Variants in CALM2 observed in about 807,000 individuals in gnomAD.
CALM2 encodes calmodulin 2.
In CALM2, 2 loss-of-function variants were observed where a neutral mutation model predicts 19.8. The observed-to-expected ratio is 0.10, with a 90% CI of 0.04 to 0.32. The LOEUF is 0.32. Among genes scored for constraint, CALM2 ranks in the 10% least tolerant of loss-of-function variants. CALM2 has a pLI of 1.00. For synonymous variants in CALM2, 51 were observed against 52.1 expected, an observed-to-expected ratio of 0.98 and a Z score of 0.09; for missense variants, 38 against 178.7, an observed-to-expected ratio of 0.21 and a Z score of 4.49.
chr2:47,164,327 T>C (rs1295676000), intron 2 of CALM2, among the ~76,000 whole-genome samples: 6 of 148,274 alleles, frequency 4.0e-5, no homozygotes, highest in African/African-American at 7.5e-5. Context: ...CGTGTGCCTG[T>C]AGTCCCCCGT....
Position 47,174,801 on chromosome 2 carries a change from G to GT in CALM2, c.3+1639dup, listed in dbSNP as rs1470406622. Among the ~76,000 whole-genome samples, 3 of 151,982 alleles carry GT rather than the reference G, an allele frequency of 2.0e-5. No homozygotes were observed. The East Asian group carries it at 5.8e-4, about 29-fold the overall frequency. Reference sequence around the variant, plus strand: ...CTTGTAATGTTTATTACATATGCCTGTAACTACATCTTTAAGAAAGCAAAT... The same window carrying GT: ...CTTGTAATGTTTATTACATATGCCTGTTAACTACATCTTTAAGAAAGCAAAT... On this transcript the variant is annotated intron_variant, in intron 1 of 5. Transcript: ENST00000272298.
intron 2 of CALM2, among the ~76,000 whole-genome samples, chr2:47,168,749 G>A (rs1471187549): frequency 6.7e-6 from 1 of 149,970 alleles, no homozygotes; most frequent in Admixed American, 6.7e-5. Context: ...ATCAATCACT[G>A]AAGAGGGATC....
intron 1 of CALM2, chr2:47,171,034 G>A (rs1264866745): frequency 2.4e-5 from 9 of 378,632 alleles, no homozygotes; most frequent in South Asian, 4.2e-5. Flanking sequence ...CTTTTTCAAC[G>A]TTAGAATAGC....
upstream of CALM2, chr2:47,176,830 C>T: frequency 1.0e-6 from 1 of 985,446 alleles, no homozygotes; most frequent in South Asian, 4.7e-5. Flanking sequence ...GAGCCTGCCT[C>T]TGATTGGCTG....
intron 2 of CALM2, among the ~76,000 whole-genome samples, chr2:47,164,522 G>A (rs1157447502): frequency 1.3e-5 from 2 of 151,432 alleles, no homozygotes; most frequent in African/African-American, 2.4e-5. Flanking sequence ...GCTTGAACCC[G>A]AGAGGCGGAG....
chr2:47,172,763 A>T (rs910837912), intron 1 of CALM2: 1 of 162,466 alleles, frequency 6.2e-6, no homozygotes, highest in Non-Finnish European at 1.2e-5. Context: ...AGGATCCCGT[A>T]CTCTGTACAG....
intron 1 of CALM2, chr2:47,174,320 T>C (rs1305677544): frequency 6.6e-6 from 1 of 152,162 alleles, no homozygotes; most frequent in Non-Finnish European, 1.5e-5. Context: ...GGTGTGATCA[T>C]AGCTCACTAC....
chr2:47,162,879 C>G (rs1295873991), intron 2 of CALM2: 3 of 467,502 alleles, frequency 6.4e-6, no homozygotes, highest in South Asian at 3.8e-5. Context: ...TGAAATGTGA[C>G]TTTGACTCCT....
chr2:47,169,005 T>C (rs917363568), intron 2 of CALM2, among the ~76,000 whole-genome samples: 2 of 152,146 alleles, frequency 1.3e-5, no homozygotes, highest in Non-Finnish European at 2.9e-5. Flanking sequence ...CATGAACTCC[T>C]GACCTCAAGT....
chr2:47,176,396 C>G (rs1284948002), intron 1 of CALM2, 45 bp downstream of exon 1: 1 of 1,610,002 alleles, frequency 6.2e-7, no homozygotes, highest in Non-Finnish European at 8.5e-7. Context: ...GCTCCAGTCT[C>G]TTCCCCCCAC....
chr2:47,176,761 G>A (rs796467188), upstream of CALM2: 6 of 985,436 alleles, frequency 6.1e-6, no homozygotes, highest in African/African-American at 1.0e-4. Context: ...GCCCCTGAGG[G>A]GCGCTACTTT....
chr2:47,172,807 T>TGGGGGG (rs56098000), intron 1 of CALM2: 3 of 36,726 alleles, frequency 8.2e-5, no homozygotes, highest in African/African-American at 1.5e-4. Context: ...CTACATGGGT[T>TGGGGGG]GGGGGGGGGG....
chr2:47,160,979 T>G (rs1687137159), intron 5 of CALM2, among the ~76,000 whole-genome samples, 175 bp from the exon 6 acceptor site: 1 of 152,058 alleles, frequency 6.6e-6, no homozygotes, highest in African/African-American at 2.4e-5. Context: ...GGAACTTCAT[T>G]AACCATAACT....
intron 1 of CALM2, chr2:47,173,856 A>G (rs1285610437): frequency 6.6e-6 from 1 of 152,248 alleles, no homozygotes; most frequent in African/African-American, 2.4e-5. Context: ...TCATTAGGGT[A>G]AAAAGACACC....
chr2:47,162,481 C>T (rs1315025761), intron 3 of CALM2, 38 bp downstream of exon 3: 13 of 1,613,430 alleles, frequency 8.1e-6, no homozygotes, highest in Non-Finnish European at 9.3e-6. Flanking sequence ...AGTATCACTT[C>T]TTCAACCCCT....
intron 5 of CALM2, among the ~76,000 whole-genome samples, chr2:47,161,446 C>T (rs1250483366): frequency 6.6e-6 from 1 of 152,188 alleles, no homozygotes. Context: ...GCTTCTCAAA[C>T]TTTATACATG....
intron 1 of CALM2, among the ~76,000 whole-genome samples, chr2:47,176,016 T>G (rs1247032174): frequency 6.6e-6 from 1 of 152,134 alleles, no homozygotes; most frequent in Non-Finnish European, 1.5e-5. Flanking sequence ...AGGCGCTTCC[T>G]GGCGCCCGCA....
chr2:47,169,295 T>TAA (rs150904805), intron 2 of CALM2, among the ~76,000 whole-genome samples: 1 of 151,934 alleles, frequency 6.6e-6, no homozygotes, highest in African/African-American at 2.4e-5. Context: ...AGTATATTTA[T>TAA]AAAAAAAACT....
At chr2:47,164,368 A>G (rs1173752774) in intron 2 of CALM2, among the ~76,000 whole-genome samples, 3 of 7,148 alleles carry the variant, frequency 4.2e-4, no homozygotes, top group Non-Finnish European at 2.6e-4. Context: ...ACACACACAC[A>G]CACACACACA....
Sources: gnomAD v4.1 joint callset for allele counts (sites outside exome capture counted in the v4.1 genomes callset) on GRCh38, gnomAD v4.1.1 for gene constraint, MANE v1.5 for transcripts, NCBI Gene and HGNC (gene_info 2026-07-23, HGNC 2026-07-21) for gene names.